The following NLRC5 variants were observed in gnomAD, a reference collection of about 807,000 sequenced individuals.
The protein encoded by NLRC5 is NLR family CARD domain containing 5, also known as protein NLRC5.
NLRC5 carries 114 observed loss-of-function variants against 206.9 expected under a neutral mutation model. The ratio of observed to expected loss-of-function variants is 0.55; its 90% CI spans 0.47 to 0.64. NLRC5 has a LOEUF of 0.64. NLRC5 is among the 30% of genes least tolerant of loss of function. The pLI, the probability that NLRC5 is intolerant of heterozygous loss-of-function variation, is 0.00. For missense variants in NLRC5, 2,008 were observed against 2,305.5 expected, an observed-to-expected ratio of 0.87 and a Z score of 2.64; for synonymous variants, 952 against 962.8, an observed-to-expected ratio of 0.99 and a Z score of 0.21.
intron 1 of NLRC5, among the ~76,000 whole-genome samples, chr16:57,015,009 A>T (rs564315985): frequency 1.3e-5 from 2 of 151,698 alleles, no homozygotes; most frequent in African/African-American, 4.8e-5. Flanking sequence ...GCTCAATGCA[A>T]CCTCTGCCTC....
At position 57,008,270 on chromosome 16, in the gene NLRC5, T is replaced by C. The variant is rs149233811; in HGVS notation, c.-127-8804T>C. ...TTAAAATACTTTTTCCCATGTTTTG[T>C]TTGAGCACTTACATTTTCTTAACTT... On this transcript the variant is annotated intron_variant, in intron 1 of 48. Coordinates refer to ENST00000688547, the MANE Select transcript of NLRC5 (RefSeq NM_001384950.1). 6.3e-3 allele frequency among the ~76,000 whole-genome samples: 964 copies of C among 152,316 alleles called. 4 individuals are homozygous for C. Among genetic ancestry groups the C allele is most frequent in the Non-Finnish European group, 8.5e-3 (578 of 68,028 alleles).
In NLRC5 at chr16:57,055,012, C is replaced by G; in HGVS notation, c.3597-20C>G. The G allele has an allele frequency of 6.2e-7, 1 of 1,614,128 alleles. No homozygotes were observed. The highest frequency in any genetic ancestry group is 1.1e-5 in the South Asian group (1 of 91,080). ...GAGGCTGTGGCCACAGCTGTCTGAC[C>G]CAGGTCCTGTCTGATCCAGGTCCCT... is the stretch of plus-strand genomic sequence containing the variant. On this transcript the variant is annotated intron_variant, in intron 25 of 48. Coordinates refer to ENST00000688547, the MANE Select transcript of NLRC5 (RefSeq NM_001384950.1).
Position 57,066,648 on chromosome 16 carries a change from G to A in NLRC5, c.4322+34G>A, listed in dbSNP as rs892345689. ...CAGCACCAGGGACCCCAAGGCAGGG[G>A]CTGGTGTTGGGGAGGGGGCAGGGCT... On this transcript the variant is annotated intron_variant, in intron 34 of 48. Coordinates refer to ENST00000688547, the MANE Select transcript of NLRC5 (RefSeq NM_001384950.1). The A allele has an allele frequency of 4.9e-5, 78 of 1,580,012 alleles. 1 individual carries two copies. Among genetic ancestry groups the A allele is most frequent in the Non-Finnish European group, 6.6e-5 (76 of 1,149,982 alleles).
At chr16:57,053,888 C>T (rs762216566) in intron 24 of NLRC5, among the ~76,000 whole-genome samples, 4 of 151,890 alleles carry the variant, frequency 2.6e-5, no homozygotes, top group Non-Finnish European at 5.9e-5. Flanking sequence ...TTGGGAGATA[C>T]GAGTGGAAAT....
chr16:57,042,466 G>C (rs1205606163), intron 19 of NLRC5, among the ~76,000 whole-genome samples: 1 of 152,126 alleles, frequency 6.6e-6, no homozygotes, highest in Non-Finnish European at 1.5e-5. Flanking sequence ...TACCAGAGAG[G>C]ACACTCAAGC....
At chr16:57,044,252 CTGAGA>C (rs2063656075) in intron 20 of NLRC5, among the ~76,000 whole-genome samples, 1 of 151,482 alleles carries the variant, frequency 6.6e-6, no homozygotes, top group Non-Finnish European at 1.5e-5. Context: ...TTGCAGTGAG[CTGAGA>C]TCGTGCCACT....
In NLRC5 at chr16:57,050,846, G is replaced by T. The variant is rs769401740; in HGVS notation, c.3423-692G>T. ...CACTCCTCTGGGTTAAGGCAGCATT[G>T]TTTTCTTTTCTTTTTTATTTTTTTG... is the stretch of plus-strand genomic sequence containing the variant. On this transcript the variant is annotated intron_variant, in intron 23 of 48. Transcript: ENST00000688547. Among the ~76,000 whole-genome samples the T allele has an allele frequency of 2.5e-4, 38 of 152,006 alleles. 1 individual carries two copies.
intron 23 of NLRC5, among the ~76,000 whole-genome samples, chr16:57,050,291 G>A (rs1023230488): frequency 2.0e-5 from 3 of 152,150 alleles, no homozygotes; most frequent in East Asian, 3.9e-4. Flanking sequence ...GTAGAGTTGG[G>A]CCTCCAGCCT....
Position 57,069,868 on chromosome 16 carries a change from TC to T in NLRC5, c.4533del (p.Ala1512ProfsTer31), listed in dbSNP as rs1333777038. On this transcript the variant is annotated frameshift_variant, in exon 37 of 49. Coordinates refer to ENST00000688547, the MANE Select transcript of NLRC5 (RefSeq NM_001384950.1). LOFTEE classifies it high-confidence loss of function. ...LTSSCVSTEG[L>X]AHLASGLGHC... ...TCCAGCTGTGTGAGCACCGAGGGCC[TC>T]GCCCACCTGGCATCTGGTCTGGGCC... 1 of 1,602,312 alleles carries T rather than the reference TC, an allele frequency of 6.2e-7. No individual in the cohort carries two copies. The highest frequency in any genetic ancestry group is 8.5e-7 in the Non-Finnish European group (1 of 1,175,360).
At chr16:57,016,871 T>C (rs970245867) in intron 1 of NLRC5, among the ~76,000 whole-genome samples, 2 of 151,942 alleles carry the variant, frequency 1.3e-5, no homozygotes, top group Admixed American at 1.3e-4. Context: ...TCAAGGAGGG[T>C]TAGGCTGCGT....
intron 1 of NLRC5, among the ~76,000 whole-genome samples, chr16:57,000,312 GC>G (rs1323018069): frequency 6.6e-6 from 1 of 152,178 alleles, no homozygotes; most frequent in Non-Finnish European, 1.5e-5. Context: ...AAGCTTGGGG[GC>G]TCTTGGTGGA....
At position 57,025,419 on chromosome 16, in the gene NLRC5, A is replaced by G. The variant is rs367809019; in HGVS notation, c.476A>G (p.Tyr159Cys). ...QLLRTSAQQR[Y>C]RSQIPGSGQP... ...CTGCGGACCTCTGCCCAGCAGCGCT[A>G]CAGGAGCCAAATCCCTGGGTCAGGG... is the stretch of plus-strand genomic sequence containing the variant. Residue 159 changes from tyrosine to cysteine, a missense_variant, in exon 6 of 49, where the codon TAC becomes TGC. Transcript: ENST00000688547. 8 of 1,579,258 alleles carry G rather than the reference A, an allele frequency of 5.1e-6. No homozygotes were observed. Among genetic ancestry groups the G allele is most frequent in the East Asian group, 2.2e-5 (1 of 44,664 alleles).
At position 57,019,782 on chromosome 16, in the gene NLRC5, A is replaced by G. The variant is rs118117916; in HGVS notation, c.-12-919A>G. On this transcript the variant is annotated intron_variant, in intron 2 of 48. Transcript: ENST00000688547. ...AAGGGAGACTGGGATATAATAATCT[A>G]TTCTAGATGACCAGAGAATATTTAG... is the stretch of plus-strand genomic sequence containing the variant. 6.6e-3 allele frequency among the ~76,000 whole-genome samples: 999 copies of G among 152,328 alleles called. 5 individuals carry two copies. The highest frequency in any genetic ancestry group is 9.2e-3 in the Non-Finnish European group (627 of 68,020).
intron 13 of NLRC5, chr16:57,034,741 G>A (rs538993002): frequency 2.0e-5 from 3 of 153,508 alleles, no homozygotes; most frequent in South Asian, 4.1e-4. Flanking sequence ...TCCCAGAGTA[G>A]AGTGGGATAA....
chr16:57,051,683 T>C, intron 24 of NLRC5, 62 bp downstream of exon 24: 1 of 1,353,130 alleles, frequency 7.4e-7, no homozygotes, highest in South Asian at 1.2e-5. Context: ...GGCTCCTCCA[T>C]GGCAAAGCTG....
At chr16:57,039,322 A>G (rs1480902384) in intron 15 of NLRC5, among the ~76,000 whole-genome samples, 2 of 152,202 alleles carry the variant, frequency 1.3e-5, no homozygotes, top group Non-Finnish European at 2.9e-5. Flanking sequence ...TGGTAGAAAG[A>G]TTTCAGCCCT....
At chr16:57,056,972 T>G (rs2065760173) in intron 27 of NLRC5, among the ~76,000 whole-genome samples, 1 of 152,122 alleles carries the variant, frequency 6.6e-6, no homozygotes, top group Admixed American at 6.6e-5. Context: ...TTTTCTTATT[T>G]TAAAGACTAT....
intron 1 of NLRC5, among the ~76,000 whole-genome samples, chr16:56,991,527 G>A (rs1053479087): frequency 2.7e-5 from 4 of 150,804 alleles, no homozygotes; most frequent in Admixed American, 1.3e-4. Context: ...GATTATAGGC[G>A]CCCGCCGCTA....
chr16:57,077,184 C>T, intron 40 of NLRC5, 112 bp from the exon 41 acceptor site: 1 of 929,088 alleles, frequency 1.1e-6, no homozygotes, highest in Non-Finnish European at 1.7e-6. Context: ...ATGGGGCTCT[C>T]TGTGTGAGTC....
Sources: gnomAD v4.1 joint callset for allele counts (sites outside exome capture counted in the v4.1 genomes callset) on GRCh38, gnomAD v4.1.1 for gene constraint, MANE v1.5 for transcripts, NCBI Gene and HGNC (gene_info 2026-07-23, HGNC 2026-07-21) for gene names.